SPATA9: variants seen among roughly 807,000 people sequenced by gnomAD.
SPATA9 encodes the protein spermatogenesis associated 9, also known as spermatogenesis-associated protein 9.
A neutral mutation model predicts 25.5 loss-of-function variants in SPATA9; 27 were observed. The observed-to-expected ratio is 1.06, with a 90% CI of 0.78 to 1.46. The LOEUF is 1.46. SPATA9 is among the 40% of genes most tolerant of loss of function. SPATA9 has a pLI of 0.00. For missense variants in SPATA9, 282 were observed against 297.5 expected (o/e 0.95, Z 0.38); for synonymous variants, 102 against 105.7 (o/e 0.97, Z 0.21).
upstream of SPATA9, among the ~76,000 whole-genome samples, chr5:95,700,466 A>AT (rs1386246123): frequency 1.3e-5 from 2 of 151,878 alleles, no homozygotes; most frequent in African/African-American, 4.8e-5. Context: ...TGGCTGGCTA[A>AT]TTTTTATATT....
chr5:95,670,144 C>T (rs1259617056), intron 3 of SPATA9, among the ~76,000 whole-genome samples: 1 of 152,086 alleles, frequency 6.6e-6, no homozygotes, highest in African/African-American at 2.4e-5. Flanking sequence ...ACATATTAAG[C>T]ATGCTCTAGA....
At chr5:95,688,832 T>A (rs925417627) in intron 1 of SPATA9, among the ~76,000 whole-genome samples, 2 of 152,140 alleles carry the variant, frequency 1.3e-5, no homozygotes, top group Non-Finnish European at 2.9e-5. Flanking sequence ...AACATATCCA[T>A]ATAACAAAAC....
chr5:95,723,961 A>G, the SPATA9 span, among the ~76,000 whole-genome samples: 1 of 152,204 alleles, frequency 6.6e-6, no homozygotes, highest in Non-Finnish European at 1.5e-5. Context: ...TAAAACACAA[A>G]CAGAAAATTT....
downstream of SPATA9, chr5:95,656,074 G>C: frequency 6.2e-7 from 1 of 1,613,500 alleles, no homozygotes; most frequent in Non-Finnish European, 8.5e-7. Flanking sequence ...TGTATAGTTT[G>C]CCCCTGGCAT....
At chr5:95,673,099 T>C (rs1319480136) in intron 3 of SPATA9, among the ~76,000 whole-genome samples, 1 of 152,172 alleles carries the variant, frequency 6.6e-6, no homozygotes, top group East Asian at 1.9e-4. Flanking sequence ...CTCTCTCTCT[T>C]TCTCCCTCTC....
chr5:95,718,023 ATAAT>A, the SPATA9 span, among the ~76,000 whole-genome samples: 5 of 152,250 alleles, frequency 3.3e-5, no homozygotes, highest in Admixed American at 1.3e-4. Flanking sequence ...TAAGTGGTAA[ATAAT>A]TTTCCAGGTG....
chr5:95,656,299 G>T (rs557639186), downstream of SPATA9: 106 of 1,602,130 alleles, frequency 6.6e-5, no homozygotes, highest in South Asian at 1.1e-3. Flanking sequence ...GTAATTAAGA[G>T]TTCTTCCTGA....
rs11953243 is a variant in SPATA9, at chr5:95,694,339, G to A, written n.124+4249C>T. 9.1e-3 allele frequency among the ~76,000 whole-genome samples: 1,384 copies of A among 152,122 alleles called. 21 individuals carry two copies. Among genetic ancestry groups the A allele is most frequent in the African/African-American group, 0.032 (1,311 of 41,494 alleles). On this transcript the variant is annotated intron_variant and non_coding_transcript_variant, in intron 1 of 2. Transcript: ENST00000379990. ...TTTGTATTTTAATCCCTTCAGCTATGGTCATAGAGTATATTACTTAATTAC... is the reference window on the plus strand; with the variant it reads ...TTTGTATTTTAATCCCTTCAGCTATAGTCATAGAGTATATTACTTAATTAC...
intron 2 of SPATA9, among the ~76,000 whole-genome samples, chr5:95,677,232 T>C (rs142812097): frequency 1.7e-4 from 26 of 152,376 alleles, no homozygotes; most frequent in African/African-American, 5.8e-4. Flanking sequence ...TTTACTTGAC[T>C]GGAGTATAAA....
At chr5:95,657,064 T>G (rs1182058073), downstream of SPATA9, 2 of 152,116 alleles carry the variant, frequency 1.3e-5, no homozygotes, top group Non-Finnish European at 2.9e-5. Flanking sequence ...CCATGAGAGA[T>G]GTAAAGTCTC....
At chr5:95,719,020 A>G in the SPATA9 span, among the ~76,000 whole-genome samples, 1 of 152,186 alleles carries the variant, frequency 6.6e-6, no homozygotes, top group Non-Finnish European at 1.5e-5. Context: ...GTAAGGAGGT[A>G]TAAAGTGGAG....
the SPATA9 span, chr5:95,717,048 A>C: frequency 6.6e-6 from 1 of 152,276 alleles, no homozygotes; most frequent in Non-Finnish European, 1.5e-5. Flanking sequence ...AGACTAATAC[A>C]GCTGGGTCAT....
downstream of SPATA9, among the ~76,000 whole-genome samples, chr5:95,654,738 T>C (rs1030738666): frequency 6.6e-6 from 1 of 152,154 alleles, no homozygotes; most frequent in African/African-American, 2.4e-5. Context: ...GGCAGATCTA[T>C]ATGGGTATGG....
intron 1 of SPATA9, chr5:95,698,581 A>G (rs906710673): frequency 6.6e-6 from 1 of 152,186 alleles, no homozygotes; most frequent in African/African-American, 2.4e-5. Flanking sequence ...AGCTTTTCCT[A>G]TCTTACCTTT....
the SPATA9 span, chr5:95,731,692 C>T: frequency 1.9e-4 from 307 of 1,613,132 alleles, no homozygotes; most frequent in Middle Eastern, 9.9e-4. Context: ...CATGTACGTA[C>T]GCGCCGCCGT....
intron 3 of SPATA9, among the ~76,000 whole-genome samples, chr5:95,669,546 C>G (rs1752161911): frequency 6.6e-6 from 1 of 152,194 alleles, no homozygotes; most frequent in Non-Finnish European, 1.5e-5. Flanking sequence ...TGGTCCCTAT[C>G]TTATTCTATA....
the SPATA9 span, among the ~76,000 whole-genome samples, chr5:95,722,643 C>T: frequency 6.6e-6 from 1 of 152,194 alleles, no homozygotes; most frequent in Non-Finnish European, 1.5e-5. Context: ...GCTCCCGCCA[C>T]CATGCCCGGC....
intron 4 of SPATA9, among the ~76,000 whole-genome samples, chr5:95,663,015 A>G (rs548466722): frequency 6.6e-6 from 1 of 152,348 alleles, no homozygotes; most frequent in Admixed American, 6.5e-5. Flanking sequence ...AATATCTACT[A>G]GGTATCAGCA....
At chr5:95,718,487 C>A in the SPATA9 span, among the ~76,000 whole-genome samples, 5 of 152,318 alleles carry the variant, frequency 3.3e-5, no homozygotes, top group South Asian at 1.0e-3. Context: ...CTGATGCCTC[C>A]GTTTTCTCTG....
Sources: gnomAD v4.1 joint callset for allele counts (sites outside exome capture counted in the v4.1 genomes callset) on GRCh38, gnomAD v4.1.1 for gene constraint, MANE v1.5 for transcripts, NCBI Gene and HGNC (gene_info 2026-07-23, HGNC 2026-07-21) for gene names.